ULK4: variants seen among roughly 807,000 people sequenced by gnomAD.
ULK4 encodes the protein inactive serine/threonine-protein kinase ULK4.
A neutral mutation model predicts 160.6 loss-of-function variants in ULK4; 133 were observed. The ratio of observed to expected loss-of-function variants is 0.83; its 90% CI spans 0.72 to 0.96. The LOEUF is 0.96. Ranked by LOEUF, ULK4 falls within the 40% of genes least tolerant of loss-of-function variation. The probability of loss-of-function intolerance (pLI) is 0.00; values close to 1 mark genes in which losing one functional copy is unlikely to be tolerated. For missense variants in ULK4, 1,580 were observed against 1,499.5 expected, an observed-to-expected ratio of 1.05 and a Z score of -0.89; for synonymous variants, 534 against 539.8, an observed-to-expected ratio of 0.99 and a Z score of 0.15.
At chr3:41,759,688 G>A (rs1559532297) in intron 21 of ULK4, among the ~76,000 whole-genome samples, 1 of 152,062 alleles carries the variant, frequency 6.6e-6, no homozygotes, top group Admixed American at 6.5e-5. Context: ...ATTTTGGGGG[G>A]ATATGCAAGA....
chr3:41,568,997 C>T (rs770898440), intron 31 of ULK4, among the ~76,000 whole-genome samples: 4 of 152,158 alleles, frequency 2.6e-5, no homozygotes, highest in Non-Finnish European at 4.4e-5. Context: ...CAGGAAAACA[C>T]GTTTACCATT....
intron 35 of ULK4, among the ~76,000 whole-genome samples, chr3:41,390,212 G>T (rs979325055): frequency 6.6e-6 from 1 of 152,096 alleles, no homozygotes; most frequent in Non-Finnish European, 1.5e-5. Context: ...GGGATTGGTG[G>T]TGATATCCCC....
chr3:41,367,522 G>A (rs1369429830), intron 35 of ULK4, among the ~76,000 whole-genome samples: 3 of 152,048 alleles, frequency 2.0e-5, no homozygotes, highest in South Asian at 4.1e-4. Flanking sequence ...TCCATGGCTG[G>A]AGCTGGGGCC....
At chr3:41,496,279 C>T (rs909043735) in intron 32 of ULK4, among the ~76,000 whole-genome samples, 4 of 152,006 alleles carry the variant, frequency 2.6e-5, no homozygotes, top group African/African-American at 7.3e-5. Flanking sequence ...CGATATACAA[C>T]GATTATGGTA....
intron 19 of ULK4, among the ~76,000 whole-genome samples, chr3:41,810,490 GTCTGT>G (rs2040788362): frequency 6.6e-6 from 1 of 152,096 alleles, no homozygotes; most frequent in Admixed American, 6.6e-5. Flanking sequence ...CAAGAATGTG[GTCTGT>G]TCTATTTCTC....
intron 6 of ULK4, among the ~76,000 whole-genome samples, chr3:41,919,093 T>C (rs1272262349): frequency 6.6e-6 from 1 of 152,136 alleles, no homozygotes; most frequent in African/African-American, 2.4e-5. Flanking sequence ...TATGAACCAA[T>C]GGGTGCATGG....
chr3:41,330,102 T>C (rs2080412907), intron 35 of ULK4, among the ~76,000 whole-genome samples: 1 of 152,180 alleles, frequency 6.6e-6, no homozygotes, highest in Non-Finnish European at 1.5e-5. Context: ...GTCGCTGAGC[T>C]TTCTGCACTC....
At chr3:41,929,705 G>A (rs895797661) in intron 5 of ULK4, among the ~76,000 whole-genome samples, 1 of 152,048 alleles carries the variant, frequency 6.6e-6, no homozygotes, top group African/African-American at 2.4e-5. Context: ...CAAACAAACA[G>A]AGAGCCAAAT....
chr3:41,467,204 T>A (rs2083857158), intron 32 of ULK4, among the ~76,000 whole-genome samples: 1 of 152,168 alleles, frequency 6.6e-6, no homozygotes, highest in Non-Finnish European at 1.5e-5. Context: ...TATGTCCACA[T>A]AAAGATTAAT....
At chr3:41,634,825 T>C (rs1347890167) in intron 30 of ULK4, among the ~76,000 whole-genome samples, 3 of 152,202 alleles carry the variant, frequency 2.0e-5, no homozygotes, top group Non-Finnish European at 4.4e-5. Flanking sequence ...TTAACACAGC[T>C]AATTTGTTTC....
At chr3:41,918,207 A>C (rs1325111245) in intron 7 of ULK4, among the ~76,000 whole-genome samples, 1 of 152,162 alleles carries the variant, frequency 6.6e-6, no homozygotes, top group Non-Finnish European at 1.5e-5. Flanking sequence ...TCTTTAAGCC[A>C]TACTTTTTAT....
At chr3:41,381,246 G>A (rs575735167) in intron 35 of ULK4, among the ~76,000 whole-genome samples, 25 of 152,116 alleles carry the variant, frequency 1.6e-4, no homozygotes, top group African/African-American at 6.0e-4. Flanking sequence ...TGATCTTGTC[G>A]TCCTCCACAC....
intron 34 of ULK4, among the ~76,000 whole-genome samples, chr3:41,422,588 CT>C (rs11415934): frequency 6.6e-6 from 1 of 151,484 alleles, no homozygotes; most frequent in East Asian, 1.9e-4. Flanking sequence ...CCTGTATTTC[CT>C]TTTTTTTCTT....
intron 35 of ULK4, among the ~76,000 whole-genome samples, chr3:41,279,266 A>AAC (rs1559501578): frequency 9.7e-5 from 14 of 143,870 alleles, no homozygotes; most frequent in Non-Finnish European, 1.5e-4. Context: ...AAAAAAAAAA[A>AAC]AAAAAAAAAC....
At chr3:41,375,509 G>C (rs576907597) in intron 35 of ULK4, among the ~76,000 whole-genome samples, 1 of 150,170 alleles carries the variant, frequency 6.7e-6, no homozygotes, top group Admixed American at 6.6e-5. Flanking sequence ...TGACAAACCT[G>C]ACAAAAACAA....
chr3:41,660,356 C>T (rs181271064), intron 30 of ULK4, among the ~76,000 whole-genome samples: 57 of 151,716 alleles, frequency 3.8e-4, no homozygotes, highest in African/African-American at 1.3e-3. Flanking sequence ...CATTTGGATA[C>T]ATAATGAATA....
At chr3:41,322,314 G>A (rs1443211028) in intron 35 of ULK4, among the ~76,000 whole-genome samples, 1 of 152,008 alleles carries the variant, frequency 6.6e-6, no homozygotes, top group Non-Finnish European at 1.5e-5. Flanking sequence ...TTACAGGCAT[G>A]TGCCACACTG....
chr3:41,919,896 A>G, intron 5 of ULK4, 78 bp from the exon 6 acceptor site: 1 of 832,806 alleles, frequency 1.2e-6, no homozygotes, highest in Non-Finnish European at 1.9e-6. Context: ...GAAAGATCTG[A>G]TGAGATGAAA....
intron 31 of ULK4, among the ~76,000 whole-genome samples, chr3:41,609,471 C>T (rs974092194): frequency 1.2e-4 from 19 of 152,006 alleles, no homozygotes; most frequent in Non-Finnish European, 2.5e-4. Flanking sequence ...AAAAGAAACA[C>T]CTCACATGTA....
Sources: gnomAD v4.1 joint callset for allele counts (sites outside exome capture counted in the v4.1 genomes callset) on GRCh38, gnomAD v4.1.1 for gene constraint, MANE v1.5 for transcripts, NCBI Gene and HGNC (gene_info 2026-07-23, HGNC 2026-07-21) for gene names.